SZT2: variants seen among roughly 807,000 people sequenced by gnomAD.
The protein encoded by SZT2 is KICSTOR complex protein SZT2.
SZT2 carries 216 observed loss-of-function variants against 404.2 expected under a neutral mutation model. The observed-to-expected ratio is 0.53, with a 90% CI of 0.48 to 0.60. The LOEUF (loss-of-function observed/expected upper bound fraction) is 0.60. SZT2 is among the 20% of genes least tolerant of loss of function. The probability of loss-of-function intolerance (pLI) is 0.00; values close to 1 mark genes in which losing one functional copy is unlikely to be tolerated. For missense variants in SZT2, 3,857 were observed against 4,459.2 expected (o/e 0.86, Z 3.85); for synonymous variants, 1,693 against 1,749.9 (o/e 0.97, Z 0.81).
At chr1:43,444,144 T>G (rs1570726126) in intron 62 of SZT2, among the ~76,000 whole-genome samples, 2 of 152,310 alleles carry the variant, frequency 1.3e-5, no homozygotes, top group Non-Finnish European at 1.5e-5. Flanking sequence ...TCGCCTAGGC[T>G]GGAGTGCAGT....
rs1465932367 is a variant in SZT2 at position 43,453,610 on chromosome 1, T to A, written c.*3130T>A. On this transcript the variant is annotated 3_prime_UTR_variant, in exon 72 of 72. Coordinates refer to ENST00000634258, the MANE Select transcript of SZT2 (RefSeq NM_001365999.1). ...CGCGACGCACCCGGGGGCGTGTTGA[T>A]CAGTACAAGCCGCAGCCCCGCTTCT... is the stretch of plus-strand genomic sequence containing the variant. The A allele has an allele frequency of 2.0e-6, 3 of 1,529,424 alleles. No homozygotes were observed. Among genetic ancestry groups the A allele is most frequent in the South Asian group, 2.4e-5 (2 of 81,934 alleles). 94.7% of individuals were successfully genotyped at this position (1,529,424 alleles called of 1,614,324 possible). A position where few individuals can be genotyped will look rare whatever the true frequency, so the allele number is the denominator to read the frequency against.
Position 43,443,691 on chromosome 1 carries a change from C to A in SZT2, c.8720C>A (p.Pro2907His). ...TCGCCCCCGGGAGCCCGTGAGGAGCCTTGGCTGAAGGAGCTGAGCTTGGCT... is the reference window on the plus strand; with the variant it reads ...TCGCCCCCGGGAGCCCGTGAGGAGCATTGGCTGAAGGAGCTGAGCTTGGCT... ...DVSPPGAREE[P>H]WLKELSLAFL... Residue 2907 changes from proline to histidine, a missense_variant, in exon 62 of 72, where the codon CCT becomes CAT. Physicochemically the swap from Pro to His is moderately conservative, Grantham distance 77. This residue lies in a region of SZT2 where 717 missense variants were observed against 868.2 expected (regional missense o/e 0.83). Coordinates refer to ENST00000634258, the MANE Select transcript of SZT2 (RefSeq NM_001365999.1). 6.2e-7 allele frequency: 1 copy of A among 1,614,230 alleles called. No individual in the cohort carries two copies. The highest frequency in any genetic ancestry group is 2.2e-5 in the East Asian group (1 of 44,882).
At position 43,451,471 on chromosome 1, in the gene SZT2, C is replaced by A; in HGVS notation, c.*991C>A. 1 of 1,614,140 alleles carries A rather than the reference C, an allele frequency of 6.2e-7. No individual in the cohort carries two copies. The highest frequency in any genetic ancestry group is 8.5e-7 in the Non-Finnish European group (1 of 1,180,038). ...AGCCTTCATCTTCCAGCAGTTGAAACAGATAGGGGAAATTCAGCTCTCCGG... is the reference window on the plus strand; with the variant it reads ...AGCCTTCATCTTCCAGCAGTTGAAAAAGATAGGGGAAATTCAGCTCTCCGG... On this transcript the variant is annotated 3_prime_UTR_variant, in exon 72 of 72. Transcript: ENST00000634258.
chr1:43,433,582 T>C (rs542382734), intron 40 of SZT2, among the ~76,000 whole-genome samples: 34 of 152,270 alleles, frequency 2.2e-4, no homozygotes, highest in African/African-American at 7.7e-4. Flanking sequence ...AGGAGTTCGA[T>C]ACCAGCCTGG....
Position 43,427,830 on chromosome 1 carries a change from G to T in SZT2, c.3803+96G>T. The T allele has an allele frequency of 2.8e-6, 4 of 1,447,892 alleles. No individual in the cohort carries two copies. In the East Asian group the frequency reaches 7.4e-5, roughly 27 times the overall value. 89.7% of individuals were successfully genotyped at this position (1,447,892 alleles called of 1,614,324 possible). A position where few individuals can be genotyped will look rare whatever the true frequency, so the allele number is the denominator to read the frequency against. On this transcript the variant is annotated intron_variant, in intron 26 of 71. Transcript: ENST00000634258. ...AATAGGCGTGGGCAGGTAAGTTGCT[G>T]CCATATCCTGCTGGCTCCTTGCTTG...
In SZT2 at chr1:43,451,561, A is replaced by G; in HGVS notation, c.*1081A>G. The G allele has an allele frequency of 1.2e-6, 2 of 1,613,472 alleles. No individual in the cohort carries two copies. The highest frequency in any genetic ancestry group is 1.7e-6 in the Non-Finnish European group (2 of 1,179,594). On this transcript the variant is annotated 3_prime_UTR_variant, in exon 72 of 72. Coordinates refer to ENST00000634258, the MANE Select transcript of SZT2 (RefSeq NM_001365999.1). ...GCACATGCCCTGGGGACAGATGTGG[A>G]CAAATGTGGGGTCCAGGCTCCTGCC...
In SZT2 at chr1:43,422,665, C is replaced by CCCCACCCCCCCGCCA. The variant is rs1557546066; in HGVS notation, c.1922+36_1922+37insACCCCCCCGCCACCC. The CCCCACCCCCCCGCCA allele has an allele frequency of 1.5e-5, 11 of 751,544 alleles. No homozygotes were observed. In the African/African-American group the frequency reaches 2.1e-4, roughly 14 times the overall value. The allele number at this position is 751,544 out of a possible 1,614,324, so 46.6% of individuals were successfully genotyped here. A position where few individuals can be genotyped will look rare whatever the true frequency, so the allele number is the denominator to read the frequency against. ...AAGTGATGTCCCTTCACCCCCCGCC[C>CCCCACCCCCCCGCCA]CCCCACCCCCCCGCCACCTCATCCC... On this transcript the variant is annotated intron_variant, in intron 13 of 71. Transcript: ENST00000634258.
intron 4 of SZT2, among the ~76,000 whole-genome samples, chr1:43,408,149 T>C (rs1170843909): frequency 6.6e-6 from 1 of 152,084 alleles, no homozygotes; most frequent in Admixed American, 6.5e-5. Context: ...TAACATTTTA[T>C]GGAACTTTCT....
In SZT2 at chr1:43,447,535, T is replaced by G. The variant is rs765642109; in HGVS notation, c.9287-10T>G. ...TTAGTGTCTGCTGTCTCCTGTTACT[T>G]ATCCCTCAGGGACATTGGAGCTCCC... On this transcript the variant is annotated splice_polypyrimidine_tract_variant and intron_variant, in intron 66 of 71. Transcript: ENST00000634258. The G allele has an allele frequency of 6.2e-7, 1 of 1,613,090 alleles. No homozygotes were observed. The highest frequency in any genetic ancestry group is 8.5e-7 in the Non-Finnish European group (1 of 1,179,548).
At position 43,451,619 on chromosome 1, in the gene SZT2, G is replaced by A; in HGVS notation, c.*1139G>A. 6.2e-7 allele frequency: 1 copy of A among 1,614,056 alleles called. No individual in the cohort carries two copies. Among genetic ancestry groups the A allele is most frequent in the African/African-American group, 1.3e-5 (1 of 75,022 alleles). On this transcript the variant is annotated 3_prime_UTR_variant, in exon 72 of 72. Coordinates refer to ENST00000634258, the MANE Select transcript of SZT2 (RefSeq NM_001365999.1). ...GAAGGACAGATGTGGGGATTGAAAG[G>A]GTGGGAGGGCAAAGGAAGGTCCTCT...
rs1656510015 is a variant in SZT2, at chr1:43,452,176, A to T, written c.*1696A>T. On this transcript the variant is annotated 3_prime_UTR_variant, in exon 72 of 72. Coordinates refer to ENST00000634258, the MANE Select transcript of SZT2 (RefSeq NM_001365999.1). ...TCTCCGCACACCCACAGAGACATGT[A>T]AGTACGTGTGTGTTTCCACCTTTCT... The T allele has an allele frequency of 6.4e-7, 1 of 1,566,702 alleles. No individual in the cohort carries two copies. The highest frequency in any genetic ancestry group is 1.4e-5 in the African/African-American group (1 of 73,792).
chr1:43,450,805 C>A lies in SZT2; in HGVS notation c.*325C>A. 1 of 708,384 alleles carries A rather than the reference C, an allele frequency of 1.4e-6. No individual in the cohort carries two copies. The highest frequency in any genetic ancestry group is 1.7e-5 in the Admixed American group (1 of 57,168). The allele number at this position is 708,384 out of a possible 1,614,324, so 43.9% of individuals were successfully genotyped here. ...AGTTCACACAGGGTGGCAAACACCC[C>A]CTAGAGCTCCTCTGCCTGAATCCTG... is the stretch of plus-strand genomic sequence containing the variant. On this transcript the variant is annotated 3_prime_UTR_variant, in exon 72 of 72. Coordinates refer to ENST00000634258, the MANE Select transcript of SZT2 (RefSeq NM_001365999.1). This position sits in a 1 kb window ranked among gnomAD's most constrained non-coding sequence, Gnocchi z 4.3.
rs1228775820 is a variant in SZT2, at chr1:43,397,472, TCGC to T, written c.28-5704_28-5702del. Reference sequence around the variant, plus strand: ...ACAATATGTAGACATGGCCTCCACCTCGCTGGATCTTCAGACTTATACAGGAAA... The same window carrying T: ...ACAATATGTAGACATGGCCTCCACCTTGGATCTTCAGACTTATACAGGAAA... On this transcript the variant is annotated intron_variant, in intron 1 of 71. Coordinates refer to ENST00000634258, the MANE Select transcript of SZT2 (RefSeq NM_001365999.1). Among the ~76,000 whole-genome samples, 180 of 151,040 alleles carry T rather than the reference TCGC, an allele frequency of 1.2e-3. No individual in the cohort carries two copies. In the East Asian group the frequency reaches 0.023, roughly 20 times the overall value.
Position 43,443,592 on chromosome 1 carries a change from C to T in SZT2, c.8626-5C>T, listed in dbSNP as rs1182384506. 1.9e-6 allele frequency: 3 copies of T among 1,614,126 alleles called. No homozygotes were observed. The highest frequency in any genetic ancestry group is 3.3e-4 in the Middle Eastern group (2 of 6,062). On this transcript the variant is annotated splice_region_variant and splice_polypyrimidine_tract_variant and intron_variant, in intron 61 of 71. Transcript: ENST00000634258. ...GAGAGTCTTCCTTGATCTTTACTCTCATAGCGGCGCCATCGCCCTGAGTCA... is the reference window on the plus strand; with the variant it reads ...GAGAGTCTTCCTTGATCTTTACTCTTATAGCGGCGCCATCGCCCTGAGTCA...
At position 43,442,211 on chromosome 1, in the gene SZT2, T is replaced by G. The variant is rs1570716823; in HGVS notation, c.7874-57T>G. On this transcript the variant is annotated intron_variant, in intron 56 of 71. Coordinates refer to ENST00000634258, the MANE Select transcript of SZT2 (RefSeq NM_001365999.1). The surrounding 1 kb of genome is among the most constrained non-coding windows in gnomAD (Gnocchi z 4.5). ...GTCTCCAACCTTGCAGAGGGGAGGG[T>G]GGGATCAAGGGGGATCTGTTCCCAG... 3 of 1,593,952 alleles carry G rather than the reference T, an allele frequency of 1.9e-6. No homozygotes were observed. Among genetic ancestry groups the G allele is most frequent in the Non-Finnish European group, 1.7e-6 (2 of 1,169,358 alleles).
chr1:43,394,538 A>T (rs550144333), intron 1 of SZT2, among the ~76,000 whole-genome samples: 1 of 152,378 alleles, frequency 6.6e-6, no homozygotes, highest in Non-Finnish European at 1.5e-5. Context: ...TAGTTATGAT[A>T]AATTACATCT....
Position 43,439,283 on chromosome 1 carries a change from C to T in SZT2, c.6793-75C>T. ...CCCATATCTACCTGCACCACATTCC[C>T]CACTGTGGGCACCCATCCCCGAGGG... On this transcript the variant is annotated intron_variant, in intron 48 of 71. Transcript: ENST00000634258. This position sits in a 1 kb window ranked among gnomAD's most constrained non-coding sequence, Gnocchi z 4.2. 1 of 1,560,886 alleles carries T rather than the reference C, an allele frequency of 6.4e-7. No individual in the cohort carries two copies. The highest frequency in any genetic ancestry group is 8.8e-7 in the Non-Finnish European group (1 of 1,133,092).
chr1:43,441,063 C>T lies in SZT2; in HGVS notation c.7345-151C>T. 1 of 943,696 alleles carries T rather than the reference C, an allele frequency of 1.1e-6. No individual in the cohort carries two copies. Among genetic ancestry groups the T allele is most frequent in the South Asian group, 1.7e-5 (1 of 58,648 alleles). The allele number at this position is 943,696 out of a possible 1,614,324, so 58.5% of individuals were successfully genotyped here. A position where few individuals can be genotyped will look rare whatever the true frequency, so the allele number is the denominator to read the frequency against. On this transcript the variant is annotated intron_variant, in intron 52 of 71. Coordinates refer to ENST00000634258, the MANE Select transcript of SZT2 (RefSeq NM_001365999.1). This position sits in a 1 kb window ranked among gnomAD's most constrained non-coding sequence, Gnocchi z 4.8. ...GGTGAGGCTCAGGAAAGTTAGGTAA[C>T]CTGCCCAAGGCTCCTTAGCCAGCCC...
intron 7 of SZT2, among the ~76,000 whole-genome samples, chr1:43,418,188 A>C (rs1427223787): frequency 6.6e-6 from 1 of 152,194 alleles, no homozygotes; most frequent in Admixed American, 6.5e-5. Context: ...CTGTTGAGAT[A>C]AACAGCAGAG....
Sources: gnomAD v4.1 joint callset for allele counts (sites outside exome capture counted in the v4.1 genomes callset) on GRCh38, gnomAD v4.1.1 for gene constraint, gnomAD v4.1.1 regional missense constraint, Gnocchi (gnomAD v3.1) non-coding constraint, MANE v1.5 for transcripts, NCBI Gene and HGNC (gene_info 2026-07-23, HGNC 2026-07-21) for gene names.